The following PTPRD variants were observed in gnomAD, a reference collection of about 807,000 sequenced individuals.
PTPRD encodes receptor-type tyrosine-protein phosphatase delta.
A neutral mutation model predicts 214.5 loss-of-function variants in PTPRD; 34 were observed. The observed-to-expected ratio is 0.16, with a 90% CI of 0.12 to 0.21. PTPRD has a LOEUF of 0.21. Among genes scored for constraint, PTPRD ranks in the 10% least tolerant of loss-of-function variants. The probability of loss-of-function intolerance (pLI) is 1.00; values close to 1 mark genes in which losing one functional copy is unlikely to be tolerated. For missense variants in PTPRD, 2,545 were observed against 2,398.7 expected, an observed-to-expected ratio of 1.06 and a Z score of -1.27; for synonymous variants, 1,128 against 845.7, an observed-to-expected ratio of 1.33 and a Z score of -5.79.
chr9:8,524,884 G>C (rs1156240891), intron 18 of PTPRD, 41 bp downstream of exon 18: 1 of 1,551,900 alleles, frequency 6.4e-7, no homozygotes, highest in South Asian at 1.1e-5. Context: ...CTCCCCCTGA[G>C]CCTGAATGAA....
chr9:9,581,822 G>A (rs1000568588), intron 7 of PTPRD, among the ~76,000 whole-genome samples: 4 of 151,968 alleles, frequency 2.6e-5, no homozygotes, highest in Non-Finnish European at 5.9e-5. Context: ...TGAATACAAT[G>A]GTATATAATG....
intron 3 of PTPRD, among the ~76,000 whole-genome samples, chr9:10,291,147 G>A (rs529735146): frequency 6.6e-6 from 1 of 151,864 alleles, no homozygotes; most frequent in South Asian, 2.1e-4. Flanking sequence ...TTTCTTCAGT[G>A]ATAAATAGAG....
chr9:8,562,130 G>C (rs2086640206), intron 14 of PTPRD, among the ~76,000 whole-genome samples: 1 of 152,156 alleles, frequency 6.6e-6, no homozygotes, highest in African/African-American at 2.4e-5. Flanking sequence ...AATGGTGACA[G>C]TGACAGATTC....
At chr9:8,943,873 A>T (rs1465527589) in intron 11 of PTPRD, among the ~76,000 whole-genome samples, 1 of 151,902 alleles carries the variant, frequency 6.6e-6, no homozygotes, top group East Asian at 1.9e-4. Flanking sequence ...CCAAAAGCAC[A>T]AGCAACCAAA....
At chr9:8,376,226 C>T (rs2083202021) in intron 38 of PTPRD, 136 bp from the exon 39 acceptor site, 1 of 1,044,556 alleles carries the variant, frequency 9.6e-7, no homozygotes, top group Non-Finnish European at 1.3e-6. Context: ...GGAAGACACA[C>T]TCTTTGGAAA....
At chr9:8,934,440 TATATATAA>T (rs2098977118) in intron 11 of PTPRD, among the ~76,000 whole-genome samples, 2 of 42,324 alleles carry the variant, frequency 4.7e-5, no homozygotes, top group African/African-American at 8.1e-5. Context: ...TATATAAATA[TATATATAA>T]ATTTATATAT....
At chr9:9,605,894 A>C (rs1266976860) in intron 7 of PTPRD, among the ~76,000 whole-genome samples, 1 of 152,068 alleles carries the variant, frequency 6.6e-6, no homozygotes, top group Non-Finnish European at 1.5e-5. Context: ...TTTATGTTAT[A>C]AGTAAAGGCC....
rs527548904 is a variant in PTPRD, at chr9:8,561,564, A to T, written c.353-32785T>A. ...TGTACAAGCGAGACTCAGCGGGCTG[A>T]CTGCCTCCAGCAGCAGGCCCAGGGC... is the stretch of plus-strand genomic sequence containing the variant. On this transcript the variant is annotated intron_variant, in intron 14 of 45. Coordinates refer to ENST00000381196, the MANE Select transcript of PTPRD (RefSeq NM_002839.4). Among the ~76,000 whole-genome samples the T allele has an allele frequency of 3.1e-4, 47 of 152,232 alleles. 2 individuals are homozygous for T. The highest frequency in any genetic ancestry group is 1.1e-3 in the African/African-American group (45 of 41,558).
At chr9:8,527,314 G>A in intron 16 of PTPRD, 31 bp downstream of exon 16, 1 of 1,600,794 alleles carries the variant, frequency 6.2e-7, no homozygotes, top group Non-Finnish European at 8.5e-7. Flanking sequence ...AATTAGTGGG[G>A]TTGAAGTGCG....
At chr9:9,285,697 C>A (rs995344194) in intron 9 of PTPRD, among the ~76,000 whole-genome samples, 3 of 151,756 alleles carry the variant, frequency 2.0e-5, no homozygotes, top group African/African-American at 7.3e-5. Context: ...CATTTCATGT[C>A]TTGACCCCAG....
At chr9:9,985,959 T>C (rs1230997132) in intron 4 of PTPRD, among the ~76,000 whole-genome samples, 1 of 152,022 alleles carries the variant, frequency 6.6e-6, no homozygotes, top group Non-Finnish European at 1.5e-5. Flanking sequence ...CTAAAGAAAA[T>C]TCATTTTACT....
At chr9:10,279,040 C>T (rs2094926941) in intron 3 of PTPRD, among the ~76,000 whole-genome samples, 1 of 152,178 alleles carries the variant, frequency 6.6e-6, no homozygotes, top group Non-Finnish European at 1.5e-5. Flanking sequence ...TCCCAAAGTG[C>T]TGGGCTCACA....
chr9:8,598,040 A>C lies in PTPRD; in HGVS notation c.352+35277T>G, dbSNP rs10977225. 0.017 allele frequency among the ~76,000 whole-genome samples: 2,531 copies of C among 152,230 alleles called. 233 individuals carry two copies. In the East Asian group the frequency reaches 0.27, roughly 16 times the overall value. ...AAGATAGGGGTCTTTTTATCCCCTTACTAGTTAGAGAAGAGCCAAACATAT... is the reference window on the plus strand; with the variant it reads ...AAGATAGGGGTCTTTTTATCCCCTTCCTAGTTAGAGAAGAGCCAAACATAT... On this transcript the variant is annotated intron_variant, in intron 14 of 45. Coordinates refer to ENST00000381196, the MANE Select transcript of PTPRD (RefSeq NM_002839.4).
chr9:9,909,592 A>G (rs2078596373), intron 5 of PTPRD, among the ~76,000 whole-genome samples: 1 of 151,964 alleles, frequency 6.6e-6, no homozygotes, highest in South Asian at 2.1e-4. Context: ...AATGTATAAA[A>G]TATGGGGCAG....
intron 11 of PTPRD, among the ~76,000 whole-genome samples, chr9:8,779,473 G>C (rs10815942): frequency 0.11 from 17,014 of 152,106 alleles, 1,005 homozygotes; most frequent in Non-Finnish European, 0.13. Context: ...GGGTTTCCAT[G>C]TTAATTTTAT....
At chr9:8,331,189 T>C (rs890926080) in intron 44 of PTPRD, among the ~76,000 whole-genome samples, 2 of 148,798 alleles carry the variant, frequency 1.3e-5, no homozygotes, top group African/African-American at 2.6e-5. Context: ...TAGGATTTAT[T>C]TGATAGCTAT....
chr9:9,150,454 A>C (rs1431358564), intron 10 of PTPRD, among the ~76,000 whole-genome samples: 1 of 146,094 alleles, frequency 6.8e-6, no homozygotes, highest in Non-Finnish European at 1.5e-5. Flanking sequence ...ATATGTATGT[A>C]ACATATTATA....
intron 3 of PTPRD, among the ~76,000 whole-genome samples, chr9:10,207,270 G>C (rs1457777225): frequency 6.7e-6 from 1 of 149,738 alleles, no homozygotes; most frequent in African/African-American, 2.5e-5. Flanking sequence ...GCATTTTTTT[G>C]TCTGATCTCT....
At chr9:9,447,451 G>T (rs1176643522) in intron 8 of PTPRD, among the ~76,000 whole-genome samples, 2 of 151,990 alleles carry the variant, frequency 1.3e-5, no homozygotes, top group Non-Finnish European at 2.9e-5. Context: ...CTTATATGTA[G>T]AAGTTAAATG....
Sources: allele counts gnomAD v4.1 joint callset (sites outside exome capture counted in the v4.1 genomes callset), GRCh38; gene constraint gnomAD v4.1.1; transcripts MANE v1.5; gene names NCBI Gene and HGNC (gene_info 2026-07-23, HGNC 2026-07-21).